The following TNC variants were observed in gnomAD, a reference collection of about 807,000 sequenced individuals.
TNC encodes the protein tenascin.
Under a neutral mutation model 202.4 loss-of-function variants are expected in TNC, and 109 were observed. The observed-to-expected ratio is 0.54, with a 90% CI of 0.46 to 0.63. The LOEUF (loss-of-function observed/expected upper bound fraction) is 0.63, where lower values mean the gene tolerates loss of function less well. Ranked by LOEUF, TNC falls within the 30% of genes least tolerant of loss-of-function variation. The pLI is 0.00. For synonymous variants in TNC, 1,007 were observed against 1,089.7 expected, an observed-to-expected ratio of 0.92 and a Z score of 1.50; for missense variants, 2,756 against 2,833.3, an observed-to-expected ratio of 0.97 and a Z score of 0.62.
intron 15 of TNC, among the ~76,000 whole-genome samples, chr9:115,054,585 C>T (rs1160732078): frequency 6.6e-6 from 1 of 152,148 alleles, no homozygotes; most frequent in Non-Finnish European, 1.5e-5. Flanking sequence ...GTCAGCTTTA[C>T]CTCCAGCTGC....
chr9:115,079,586 C>T (rs938472855), intron 6 of TNC, among the ~76,000 whole-genome samples: 2 of 152,202 alleles, frequency 1.3e-5, no homozygotes, highest in African/African-American at 2.4e-5. Flanking sequence ...CCTTGAATAG[C>T]AGAAACTAAC....
intron 13 of TNC, 143 bp from the exon 14 acceptor site, chr9:115,060,145 T>C: frequency 1.1e-6 from 1 of 913,200 alleles, no homozygotes. Flanking sequence ...ATTTGCAATT[T>C]GAACTGTGGT....
rs779738121 is a variant in TNC, at chr9:115,064,934, A to G, written c.3215-15T>C. 3.1e-6 allele frequency: 5 copies of G among 1,606,818 alleles called. No homozygotes were observed. Among genetic ancestry groups the G allele is most frequent in the East Asian group, 2.2e-5 (1 of 44,768 alleles). On this transcript the variant is annotated splice_polypyrimidine_tract_variant and intron_variant, in intron 10 of 27. Transcript: ENST00000350763. ...AGGGGCTTGTTCTGAATAATGACAGAGATGGGGTCAGTTAAACTATTCCTC... is the reference window on the plus strand; with the variant it reads ...AGGGGCTTGTTCTGAATAATGACAGGGATGGGGTCAGTTAAACTATTCCTC...
Position 115,063,073 on chromosome 9 carries a change from C to A in TNC, c.3877G>T (p.Ala1293Ser), listed in dbSNP as rs1307083925. ...TTGTGAGCCTCTTCCACCTGGTCAG[C>A]CTCCTGGACCTGAATAGTAAACTGG... ...YDQFTIQVQE[A>S]DQVEEAHNLT... The change falls in exon 13 of 28, where the codon GCT becomes TCT. Residue 1293 changes from alanine (A) to serine (S), a missense_variant. Ala to Ser is a moderately conservative substitution (Grantham distance 99). This residue lies in a region of TNC where 2,559 missense variants were observed against 2,546.0 expected (regional missense o/e 1.01). Transcript: ENST00000350763. 6.2e-7 allele frequency: 1 copy of A among 1,614,158 alleles called. No individual in the cohort carries two copies. Among genetic ancestry groups the A allele is most frequent in the South Asian group, 1.1e-5 (1 of 91,060 alleles).
chr9:115,035,368 A>T (rs762576636), intron 21 of TNC, 34 bp from the exon 22 acceptor site: 1 of 1,587,078 alleles, frequency 6.3e-7, no homozygotes, highest in South Asian at 1.1e-5. Flanking sequence ...ATCGGATAAG[A>T]TCAGCAAATG....
chr9:115,029,452 A>G lies in TNC; in HGVS notation c.6077T>C (p.Phe2026Ser). ...CTCGCGTCCGTTTTTGCGTCTCAGG[A>G]ACACCTATAAACATATCGATGAATC... ...MTSDGGGWIV[F>S]LRRKNGRENF... Residue 2026 changes from phenylalanine (F) to serine (S), a missense_variant, in exon 25 of 28, where the codon TTC becomes TCC. This residue lies in a region of TNC where 197 missense variants were observed against 287.3 expected (regional missense o/e 0.69). Coordinates refer to ENST00000350763, the MANE Select transcript of TNC (RefSeq NM_002160.4). The G allele has an allele frequency of 6.2e-7, 1 of 1,614,018 alleles. No individual in the cohort carries two copies. Among genetic ancestry groups the G allele is most frequent in the Non-Finnish European group, 8.5e-7 (1 of 1,179,904 alleles).
chr9:115,031,737 G>A lies in TNC; in HGVS notation c.5788-52C>T. 2 of 1,585,326 alleles carry A rather than the reference G, an allele frequency of 1.3e-6. 1 individual carries two copies. The highest frequency in any genetic ancestry group is 2.3e-5 in the South Asian group (2 of 86,852). On this transcript the variant is annotated intron_variant, in intron 22 of 27. Transcript: ENST00000350763. Reference sequence around the variant, plus strand: ...GCTTTTGGTCACAGAAATTCTCAGGGTATAGATAAGAAGTCATTCTATTTA... The same window carrying A: ...GCTTTTGGTCACAGAAATTCTCAGGATATAGATAAGAAGTCATTCTATTTA...
chr9:115,021,300 A>G, intron 27 of TNC, 33 bp from the exon 28 acceptor site: 2 of 1,546,400 alleles, frequency 1.3e-6, no homozygotes, highest in Non-Finnish European at 1.8e-6. Context: ...AGAGAGAGAG[A>G]GAGAGAAGGC....
At chr9:115,029,547 G>A in intron 24 of TNC, 91 bp from the exon 25 acceptor site, 2 of 1,270,444 alleles carry the variant, frequency 1.6e-6, no homozygotes, top group Non-Finnish European at 2.3e-6. Flanking sequence ...ACTGTGGAGA[G>A]AGCATCAGGC....
At chr9:115,053,988 G>A (rs999183207) in intron 15 of TNC, among the ~76,000 whole-genome samples, 1 of 152,150 alleles carries the variant, frequency 6.6e-6, no homozygotes, top group Admixed American at 6.5e-5. Context: ...ATGTTAAGGG[G>A]TCTATATGGC....
intron 10 of TNC, among the ~76,000 whole-genome samples, chr9:115,073,396 C>T (rs1194173365): frequency 1.3e-5 from 2 of 152,180 alleles, no homozygotes; most frequent in Admixed American, 1.3e-4. Context: ...ACCCCTATTT[C>T]CCAGTGGGGG....
intron 9 of TNC, 76 bp downstream of exon 9, chr9:115,075,956 A>G (rs1054614929): frequency 3.9e-6 from 5 of 1,277,802 alleles, no homozygotes; most frequent in Non-Finnish European, 5.7e-6. Context: ...CTCTTTAAAT[A>G]GGTTTTGGCC....
chr9:115,050,081 G>T (rs1201841673), intron 15 of TNC, among the ~76,000 whole-genome samples: 18 of 152,088 alleles, frequency 1.2e-4, no homozygotes, highest in Non-Finnish European at 4.4e-5. Context: ...AGAGACAAGG[G>T]TCTCGAATTC....
At chr9:115,056,111 G>C (rs546511799) in intron 15 of TNC, among the ~76,000 whole-genome samples, 1 of 152,108 alleles carries the variant, frequency 6.6e-6, no homozygotes, top group Non-Finnish European at 1.5e-5. Context: ...TTGATGCTAC[G>C]ATGTCAACCC....
intron 22 of TNC, among the ~76,000 whole-genome samples, chr9:115,031,979 G>C (rs1829983731): frequency 6.6e-6 from 1 of 152,136 alleles, no homozygotes; most frequent in South Asian, 2.1e-4. Context: ...GTAGACTCCA[G>C]GGCTAAGGCT....
At position 115,090,624 on chromosome 9, in the gene TNC, AG is replaced by A; in HGVS notation, c.394del (p.Leu132TrpfsTer5). ...LLSRLEELEN[L>X]VSSLREQCTA... ...ACATTGCTCCCTCAGGGAAGACACC[AG>A]GTTCTCCAGCTCCTCCAGTCTGCTC... On this transcript the variant is annotated frameshift_variant, in exon 2 of 28. Transcript: ENST00000350763. LOFTEE classifies it high-confidence loss of function. 2 of 1,609,720 alleles carry A rather than the reference AG, an allele frequency of 1.2e-6. No homozygotes were observed. Among genetic ancestry groups the A allele is most frequent in the Non-Finnish European group, 8.5e-7 (1 of 1,177,288 alleles).
At chr9:115,029,265 ATC>A in intron 25 of TNC, 93 bp downstream of exon 25, 1 of 1,050,564 alleles carries the variant, frequency 9.5e-7, no homozygotes, top group Non-Finnish European at 1.5e-6. Flanking sequence ...CTTCTTCCTC[ATC>A]TCTTTCTCTC....
intron 20 of TNC, among the ~76,000 whole-genome samples, chr9:115,037,202 A>G (rs957102010): frequency 1.1e-4 from 16 of 152,330 alleles, no homozygotes; most frequent in African/African-American, 1.7e-4. Flanking sequence ...TAACTGAATG[A>G]AAATTTTCAG....
At chr9:115,060,539 C>G (rs986423731) in intron 13 of TNC, among the ~76,000 whole-genome samples, 3 of 152,188 alleles carry the variant, frequency 2.0e-5, no homozygotes, top group African/African-American at 7.2e-5. Context: ...TAGTATCATA[C>G]CTGATACATG....
Sources: gnomAD v4.1 joint callset for allele counts (sites outside exome capture counted in the v4.1 genomes callset) on GRCh38, gnomAD v4.1.1 for gene constraint, gnomAD v4.1.1 regional missense constraint, MANE v1.5 for transcripts, NCBI Gene and HGNC (gene_info 2026-07-23, HGNC 2026-07-21) for gene names.